The following IGSF22 variants were observed in gnomAD, a reference collection of about 807,000 sequenced individuals.
IGSF22 encodes immunoglobulin superfamily, member 22.
A neutral mutation model predicts 127.0 loss-of-function variants in IGSF22; 119 were observed. That is an observed-to-expected ratio of 0.94 (90% confidence interval 0.81 to 1.09). The LOEUF is 1.09. IGSF22 is among the 50% of genes least tolerant of loss of function. The pLI is 0.00. For missense variants in IGSF22, 1,518 were observed against 1,716.6 expected (o/e 0.88, Z 2.04); for synonymous variants, 568 against 664.7 (o/e 0.85, Z 2.24).
intron 10 of IGSF22, 64 bp from the exon 11 acceptor site, chr11:18,715,780 A>G: frequency 6.5e-7 from 1 of 1,526,738 alleles, no homozygotes; most frequent in Non-Finnish European, 8.9e-7. Flanking sequence ...GCAGCTATAG[A>G]GCCAAAAGCC....
At chr11:18,708,525 T>C (rs61411961) in intron 18 of IGSF22, among the ~76,000 whole-genome samples, 8,592 of 152,322 alleles carry the variant, frequency 0.056, 292 homozygotes, top group South Asian at 0.1. Flanking sequence ...CTTGTTTCTA[T>C]AACCCTAACA....
intron 21 of IGSF22, 143 bp from the exon 22 acceptor site, chr11:18,706,289 C>T (rs1848229433): frequency 1.2e-6 from 1 of 825,328 alleles, no homozygotes; most frequent in Non-Finnish European, 1.8e-6. Flanking sequence ...CAATGTTACA[C>T]TGGTTCTTAA....
chr11:18,708,864 C>T (rs566984660), intron 18 of IGSF22, among the ~76,000 whole-genome samples: 78 of 152,328 alleles, frequency 5.1e-4, no homozygotes, highest in African/African-American at 1.8e-3. Context: ...TCCCCAGCTG[C>T]TCCTGCAAAT....
At chr11:18,720,011 T>G in intron 6 of IGSF22, 53 bp downstream of exon 6, 1 of 1,612,208 alleles carries the variant, frequency 6.2e-7, no homozygotes, top group South Asian at 1.1e-5. Context: ...TTTGAGAGGC[T>G]TTGGCCTGGA....
chr11:18,709,354 G>A lies in IGSF22; in HGVS notation c.2998+33C>T, dbSNP rs1848307268. The A allele has an allele frequency of 6.3e-7, 1 of 1,599,348 alleles. No individual in the cohort carries two copies. The highest frequency in any genetic ancestry group is 1.3e-5 in the African/African-American group (1 of 74,780). On this transcript the variant is annotated intron_variant, in intron 18 of 22. Transcript: ENST00000513874. This position sits in a 1 kb window ranked among gnomAD's most constrained non-coding sequence, Gnocchi z 4.8. Reference sequence around the variant, plus strand: ...GAGAAGGTTTGGAGGTACAATGTTGGGCATGAATCCCCAGCCCTCTCTGTG... The same window carrying A: ...GAGAAGGTTTGGAGGTACAATGTTGAGCATGAATCCCCAGCCCTCTCTGTG...
rs769555489 is a variant in IGSF22, at chr11:18,715,524, G to A, written c.1439C>T (p.Ala480Val). ...GTACTCGCCACCATCACTGAGCTGTGCATCCTCAATGATCAGCTCTGCTCG... is the reference window on the plus strand; with the variant it reads ...GTACTCGCCACCATCACTGAGCTGTACATCCTCAATGATCAGCTCTGCTCG... The part of the protein sequence containing the change: ...GKRAELIIED[A>V]QLSDGGEYTV... The change falls in exon 11 of 23, where the codon GCA (alanine) becomes GTA (valine). Residue 480 changes from alanine to valine, a missense_variant. This residue lies in a region of IGSF22 where 1,456 missense variants were observed against 1,644.9 expected (regional missense o/e 0.89). Coordinates refer to ENST00000513874, the MANE Select transcript of IGSF22 (RefSeq NM_173588.4). 7 of 1,613,596 alleles carry A rather than the reference G, an allele frequency of 4.3e-6. No homozygotes were observed. In the African/African-American group the frequency reaches 9.4e-5, roughly 22 times the overall value.
chr11:18,713,151 CTTT>C (rs11364796), intron 14 of IGSF22, among the ~76,000 whole-genome samples: 23 of 117,594 alleles, frequency 2.0e-4, no homozygotes, highest in Admixed American at 3.4e-4. Flanking sequence ...GTTGTTGTTT[CTTT>C]TTTTTTTTTT....
In IGSF22 at chr11:18,717,975, AGGC is replaced by A; in HGVS notation, c.926_928del (p.Ser309_Leu310delinsMet). On this transcript the variant is annotated inframe_deletion, in exon 9 of 23. Transcript: ENST00000513874. ...ACTCATCCGCTTATCGCCCACGGAC[AGGC>A]TGTAGATGCCAGCATCGTTCATGTT... The A allele has an allele frequency of 6.2e-7, 1 of 1,614,242 alleles. No individual in the cohort carries two copies. The highest frequency in any genetic ancestry group is 8.5e-7 in the Non-Finnish European group (1 of 1,180,044).
chr11:18,720,339 T>C, intron 4 of IGSF22, 54 bp from the exon 5 acceptor site: 1 of 1,454,656 alleles, frequency 6.9e-7, no homozygotes, highest in Non-Finnish European at 9.6e-7. Context: ...ACAGGGAGAC[T>C]TTCTGTCAGA....
intron 9 of IGSF22, 140 bp from the exon 10 acceptor site, chr11:18,717,140 G>T: frequency 2.3e-6 from 2 of 855,746 alleles, no homozygotes; most frequent in Non-Finnish European, 3.5e-6. Context: ...TTGTTTTCGA[G>T]CCCTTCTCTC....
intron 1 of IGSF22, among the ~76,000 whole-genome samples, chr11:18,724,606 T>G (rs529067302): frequency 7.9e-5 from 12 of 152,258 alleles, no homozygotes; most frequent in African/African-American, 2.9e-4. Context: ...GTGCTGGATG[T>G]TTCATCAGGA....
At position 18,714,491 on chromosome 11, in the gene IGSF22, GCTTCAGACCTC is replaced by G; in HGVS notation, c.1654_1656+8del. The stretch of plus-strand genomic sequence containing the variant: ...TCCTTCACCCCCTTCCCTGGCCTCT[GCTTCAGACCTC>G]CTTGCCATCCTTCAGCCACACACCC... On this transcript the variant is annotated splice_donor_variant and splice_donor_5th_base_variant and coding_sequence_variant and intron_variant, in exon 12 of 23. Transcript: ENST00000513874. LOFTEE classifies it high-confidence loss of function. 6.2e-7 allele frequency: 1 copy of G among 1,614,190 alleles called. No individual in the cohort carries two copies. The highest frequency in any genetic ancestry group is 8.5e-7 in the Non-Finnish European group (1 of 1,180,038).
chr11:18,713,761 A>T, intron 14 of IGSF22, 91 bp downstream of exon 14: 1 of 1,077,966 alleles, frequency 9.3e-7, no homozygotes, highest in Non-Finnish European at 1.3e-6. Context: ...TTCAACTCTA[A>T]CTCTGGCCTC....
intron 20 of IGSF22, 114 bp downstream of exon 20, chr11:18,707,690 T>C (rs11024767): frequency 0.18 from 149,695 of 828,460 alleles, 14,748 homozygotes; most frequent in East Asian, 0.39. Context: ...CAAAGAAATC[T>C]TCATGGCCCT....
intron 4 of IGSF22, among the ~76,000 whole-genome samples, chr11:18,720,851 G>T (rs1848558756): frequency 6.6e-6 from 1 of 152,180 alleles, no homozygotes; most frequent in Non-Finnish European, 1.5e-5. Flanking sequence ...AGTGATGATG[G>T]GTCTTTGGGA....
Position 18,718,618 on chromosome 11 carries a change from G to C in IGSF22, c.807C>G (p.Ile269Met). 2 of 1,587,254 alleles carry C rather than the reference G, an allele frequency of 1.3e-6. No homozygotes were observed. Among genetic ancestry groups the C allele is most frequent in the Non-Finnish European group, 1.7e-6 (2 of 1,155,436 alleles). The change falls in exon 8 of 23, where the codon ATC becomes ATG. Residue 269 changes from isoleucine (I) to methionine (M), a missense_variant. Ile to Met is a conservative substitution (Grantham distance 10). Around this residue, in one of 3 missense-constraint regions of IGSF22, gnomAD observed 1,456 missense variants for 1,644.9 expected, o/e 0.89. Transcript: ENST00000513874. ...LKDPNVKMIW[I>M]KGTEPLRIQY... ...ACCCTGGCTAGGCATCCCCCACCTT[G>C]ATCCATATCATCTTGACATTGGGGT...
chr11:18,709,287 T>C lies in IGSF22; in HGVS notation c.2998+100A>G, dbSNP rs1488526398. On this transcript the variant is annotated intron_variant, in intron 18 of 22. Transcript: ENST00000513874. The surrounding 1 kb of genome is among the most constrained non-coding windows in gnomAD (Gnocchi z 4.8). ...ACAACTATGGATGACTTTTTCATGA[T>C]CCTAGCATCATCCAATTTTCCTGTG... 4 of 1,297,664 alleles carry C rather than the reference T, an allele frequency of 3.1e-6. No homozygotes were observed. The highest frequency in any genetic ancestry group is 4.3e-6 in the Non-Finnish European group (4 of 930,740). 80.4% of individuals were successfully genotyped at this position (1,297,664 alleles called of 1,614,324 possible).
chr11:18,718,533 G>A (rs1032989630), intron 8 of IGSF22, 82 bp downstream of exon 8: 19 of 848,020 alleles, frequency 2.2e-5, no homozygotes, highest in Admixed American at 1.5e-4. Context: ...ATGGAAGAGA[G>A]GCTATGGCTT....
chr11:18,717,427 T>C (rs1438852894), intron 9 of IGSF22, among the ~76,000 whole-genome samples: 1 of 9,192 alleles, frequency 1.1e-4, no homozygotes, highest in Middle Eastern at 0.026. Flanking sequence ...TCTGCGTTCT[T>C]TTTTTTTAAC....
Sources: allele counts gnomAD v4.1 joint callset (sites outside exome capture counted in the v4.1 genomes callset), GRCh38; gene constraint gnomAD v4.1.1; regional missense constraint gnomAD v4.1.1; non-coding constraint Gnocchi (gnomAD v3.1); transcripts MANE v1.5; gene names NCBI Gene and HGNC (gene_info 2026-07-23, HGNC 2026-07-21).